Variants in LPP observed in about 807,000 individuals in gnomAD.
LPP encodes the protein lipoma-preferred partner.
In LPP, 38 loss-of-function variants were observed where a neutral mutation model predicts 60.4. The observed-to-expected ratio is 0.63, with a 90% CI of 0.49 to 0.83. The LOEUF is 0.83. Among genes scored for constraint, LPP ranks in the 40% least tolerant of loss-of-function variants. LPP has a pLI of 0.00. For missense variants in LPP, 902 were observed against 783.6 expected (o/e 1.15, Z -1.80); for synonymous variants, 328 against 290.8 (o/e 1.13, Z -1.30).
intron 6 of LPP, among the ~76,000 whole-genome samples, chr3:188,551,281 C>T (rs948394235): frequency 6.6e-6 from 1 of 152,092 alleles, no homozygotes; most frequent in Non-Finnish European, 1.5e-5. Context: ...ACCATCAGAT[C>T]TCATAAGACT....
At chr3:188,291,727 AAG>A (rs1460862805) in intron 2 of LPP, among the ~76,000 whole-genome samples, 1 of 151,652 alleles carries the variant, frequency 6.6e-6, no homozygotes, top group African/African-American at 2.4e-5. Flanking sequence ...CAAAACACTT[AAG>A]TACCCATTTT....
chr3:188,671,730 C>T (rs1455187102), intron 7 of LPP, among the ~76,000 whole-genome samples: 2 of 152,084 alleles, frequency 1.3e-5, no homozygotes, highest in Non-Finnish European at 2.9e-5. Context: ...GCAGTTTACC[C>T]ATTCTCTCCT....
chr3:188,548,453 T>A (rs1827238679), intron 6 of LPP, among the ~76,000 whole-genome samples: 1 of 152,172 alleles, frequency 6.6e-6, no homozygotes, highest in Non-Finnish European at 1.5e-5. Flanking sequence ...TTTAGAGGTA[T>A]CTATCATATT....
At chr3:188,336,332 C>T (rs897138428) in intron 2 of LPP, among the ~76,000 whole-genome samples, 1 of 152,118 alleles carries the variant, frequency 6.6e-6, no homozygotes, top group Admixed American at 6.6e-5. Context: ...TGGATGTAGG[C>T]TTCCCACAGA....
intron 7 of LPP, among the ~76,000 whole-genome samples, chr3:188,612,612 G>A (rs1843959304): frequency 1.3e-5 from 2 of 152,126 alleles, no homozygotes; most frequent in Admixed American, 6.6e-5. Context: ...TCCAAAGGCT[G>A]AATAATTGCC....
chr3:188,396,882 G>A (rs1781081672), intron 3 of LPP, among the ~76,000 whole-genome samples: 1 of 152,212 alleles, frequency 6.6e-6, no homozygotes. Context: ...ATCATAAGAA[G>A]TTGTGGGAGG....
intron 7 of LPP, among the ~76,000 whole-genome samples, chr3:188,682,438 C>T (rs1859741629): frequency 6.6e-6 from 1 of 152,214 alleles, no homozygotes; most frequent in African/African-American, 2.4e-5. Context: ...TTGTACTTTT[C>T]CAGTCTGAAT....
At chr3:188,559,279 T>G (rs547088204) in intron 6 of LPP, among the ~76,000 whole-genome samples, 1 of 152,068 alleles carries the variant, frequency 6.6e-6, no homozygotes, top group Non-Finnish European at 1.5e-5. Flanking sequence ...TTCACACATT[T>G]TTGAATATTT....
intron 2 of LPP, among the ~76,000 whole-genome samples, chr3:188,236,638 T>A (rs1430627180): frequency 6.6e-6 from 1 of 152,230 alleles, no homozygotes; most frequent in Non-Finnish European, 1.5e-5. Flanking sequence ...TGGTTCCCAG[T>A]GCATATGAAA....
chr3:188,680,994 C>CTTTTTT (rs11307025), intron 7 of LPP, among the ~76,000 whole-genome samples: 3 of 129,112 alleles, frequency 2.3e-5, no homozygotes, highest in African/African-American at 5.8e-5. Context: ...GGTGCATTTC[C>CTTTTTT]TTTTTTTTTT....
intron 4 of LPP, among the ~76,000 whole-genome samples, chr3:188,428,063 C>T (rs1446559777): frequency 6.6e-6 from 1 of 152,128 alleles, no homozygotes; most frequent in African/African-American, 2.4e-5. Context: ...AAGGGAATCT[C>T]CTGGTCTGTG....
intron 8 of LPP, among the ~76,000 whole-genome samples, chr3:188,724,247 A>G (rs1717535912): frequency 6.6e-6 from 1 of 152,212 alleles, no homozygotes; most frequent in Admixed American, 6.5e-5. Context: ...TGCAATTTGA[A>G]CACAGAACCC....
At position 188,734,795 on chromosome 3, in the gene LPP, G is replaced by A. The variant is rs149877101; in HGVS notation, c.1241-25318G>A. Among the ~76,000 whole-genome samples the A allele has an allele frequency of 8.1e-3, 1,227 of 152,284 alleles. 13 individuals carry two copies. Among genetic ancestry groups the A allele is most frequent in the Non-Finnish European group, 0.013 (904 of 68,020 alleles). Reference sequence around the variant, plus strand: ...GTCATCCATCCCAATGACTTCAATGGAAAGGATGCATTTGCTGAATTTGAA... The same window carrying A: ...GTCATCCATCCCAATGACTTCAATGAAAAGGATGCATTTGCTGAATTTGAA... On this transcript the variant is annotated intron_variant, in intron 8 of 11. Coordinates refer to ENST00000617246, the MANE Select transcript of LPP (RefSeq NM_001375462.1).
intron 2 of LPP, among the ~76,000 whole-genome samples, chr3:188,307,093 G>A (rs1162406615): frequency 6.6e-6 from 1 of 152,166 alleles, no homozygotes; most frequent in East Asian, 1.9e-4. Flanking sequence ...TAGAAACTTT[G>A]CTATACTTTG....
At chr3:188,225,660 G>A (rs946669843) in intron 2 of LPP, 133 bp downstream of exon 2, 7 of 152,198 alleles carry the variant, frequency 4.6e-5, no homozygotes, top group Non-Finnish European at 8.8e-5. Flanking sequence ...AATAAGAGAA[G>A]AACTGAAATG....
At chr3:188,785,957 A>G (rs1053712601) in intron 9 of LPP, among the ~76,000 whole-genome samples, 3 of 152,116 alleles carry the variant, frequency 2.0e-5, no homozygotes, top group Non-Finnish European at 4.4e-5. Context: ...TATCATCAGT[A>G]TGCTGACATG....
At chr3:188,401,787 C>T (rs1325939589) in intron 3 of LPP, among the ~76,000 whole-genome samples, 1 of 152,078 alleles carries the variant, frequency 6.6e-6, no homozygotes, top group Non-Finnish European at 1.5e-5. Context: ...GGCAGAGCAC[C>T]ATGTGACGAA....
At chr3:188,665,790 A>G (rs1383638126) in intron 7 of LPP, among the ~76,000 whole-genome samples, 1 of 152,188 alleles carries the variant, frequency 6.6e-6, no homozygotes, top group Non-Finnish European at 1.5e-5. Context: ...TCCTAAATAC[A>G]GTTTTAAAAG....
chr3:188,238,286 C>T (rs575583325), intron 2 of LPP, among the ~76,000 whole-genome samples: 5 of 152,250 alleles, frequency 3.3e-5, no homozygotes, highest in Non-Finnish European at 5.9e-5. Flanking sequence ...CCAGATCACT[C>T]CAACTTTCTT....
Sources: allele counts gnomAD v4.1 joint callset (sites outside exome capture counted in the v4.1 genomes callset), GRCh38; gene constraint gnomAD v4.1.1; transcripts MANE v1.5; gene names NCBI Gene and HGNC (gene_info 2026-07-23, HGNC 2026-07-21).